The following SLC16A6 variants were observed in gnomAD, a reference collection of about 807,000 sequenced individuals.
SLC16A6 encodes monocarboxylate transporter 7.
A neutral mutation model predicts 33.8 loss-of-function variants in SLC16A6; 15 were observed. That is an observed-to-expected ratio of 0.44 (90% CI 0.30 to 0.68). The LOEUF (loss-of-function observed/expected upper bound fraction) is 0.68, where lower values mean the gene tolerates loss of function less well. Among genes scored for constraint, SLC16A6 ranks in the 30% least tolerant of loss-of-function variants. SLC16A6 has a pLI of 0.10. For synonymous variants in SLC16A6, 219 were observed against 248.4 expected, an observed-to-expected ratio of 0.88 and a Z score of 1.11; for missense variants, 451 against 661.5, an observed-to-expected ratio of 0.68 and a Z score of 3.49.
At chr17:68,277,247 T>G (rs1023447910) in intron 2 of SLC16A6, among the ~76,000 whole-genome samples, 13 of 151,962 alleles carry the variant, frequency 8.6e-5, no homozygotes, top group African/African-American at 3.1e-4. Context: ...TTCTCCTACC[T>G]CAGCCTCCTG....
At chr17:68,279,740 T>C (rs78416778) in intron 1 of SLC16A6, among the ~76,000 whole-genome samples, 2,470 of 152,296 alleles carry the variant, frequency 0.016, 68 homozygotes, top group African/African-American at 0.057. Context: ...CTCTAGCACA[T>C]GAATACTGTC....
intron 1 of SLC16A6, among the ~76,000 whole-genome samples, chr17:68,286,847 C>T (rs1212149073): frequency 6.6e-6 from 1 of 152,106 alleles, no homozygotes; most frequent in Non-Finnish European, 1.5e-5. Context: ...ATGGCTTAAG[C>T]GAAGCCTGGT....
intron 3 of SLC16A6, 72 bp from the exon 4 acceptor site, chr17:68,272,839 TC>T: frequency 6.3e-7 from 1 of 1,582,082 alleles, no homozygotes; most frequent in Non-Finnish European, 8.6e-7. Flanking sequence ...CATTAAAAGA[TC>T]TGGGATTTTT....
chr17:68,281,714 G>GT (rs2075701829), intron 1 of SLC16A6, among the ~76,000 whole-genome samples: 1 of 152,202 alleles, frequency 6.6e-6, no homozygotes, highest in South Asian at 2.1e-4. Flanking sequence ...CCACAGTGAG[G>GT]TATCATCTTA....
In SLC16A6 at chr17:68,268,870, G is replaced by A. The variant is rs560602278; in HGVS notation, c.*226C>T. 164 of 743,522 alleles carry A rather than the reference G, an allele frequency of 2.2e-4. No homozygotes were observed. The African/African-American group carries it at 2.5e-3, about 12-fold the overall frequency. 46.1% of individuals were successfully genotyped at this position (743,522 alleles called of 1,614,324 possible). On this transcript the variant is annotated 3_prime_UTR_variant, in exon 6 of 6. Transcript: ENST00000580666. The stretch of plus-strand genomic sequence containing the variant: ...CAGATTTATATATGGAAGAGTGCTT[G>A]GTTGTTTTTTGTTTTGGCTTTAAAA...
chr17:68,291,312 C>A (rs1555755839), upstream of SLC16A6: 1 of 144,816 alleles, frequency 6.9e-6, no homozygotes, highest in Non-Finnish European at 1.5e-5. Flanking sequence ...CCGCCCCCCA[C>A]CCCGGCCGCC....
chr17:68,274,827 C>T (rs1277445066), intron 2 of SLC16A6, among the ~76,000 whole-genome samples: 1 of 150,010 alleles, frequency 6.7e-6, no homozygotes, highest in East Asian at 2.0e-4. Flanking sequence ...GTTTTCTAGG[C>T]TGGAGTGCAG....
chr17:68,280,742 G>A (rs1378593583), intron 1 of SLC16A6, among the ~76,000 whole-genome samples: 1 of 152,148 alleles, frequency 6.6e-6, no homozygotes, highest in Non-Finnish European at 1.5e-5. Context: ...GATTTTTATG[G>A]ATAAGACTGG....
rs1555749304 is a variant in SLC16A6 at position 68,272,564 on chromosome 17, A to G, written c.505+75T>C. ...CTGAAAGTCATCCATACTGTTGGCA[A>G]AAGTTAGCGTAGCAAGAATACCTGA... is the stretch of plus-strand genomic sequence containing the variant. On this transcript the variant is annotated intron_variant, in intron 4 of 5. Coordinates refer to ENST00000580666, the MANE Select transcript of SLC16A6 (RefSeq NM_004694.5). The G allele has an allele frequency of 4.5e-6, 7 of 1,558,932 alleles. No homozygotes were observed. The African/African-American group carries it at 9.5e-5, about 21-fold the overall frequency.
Position 68,268,901 on chromosome 17 carries a change from C to CAA in SLC16A6, c.*193_*194dup, listed in dbSNP as rs879950263. 161 of 1,005,524 alleles carry CAA rather than the reference C, an allele frequency of 1.6e-4. No homozygotes were observed. Among genetic ancestry groups the CAA allele is most frequent in the Admixed American group, 1.4e-3 (40 of 27,968 alleles). The allele number at this position is 1,005,524 out of a possible 1,614,324, so 62.3% of individuals were successfully genotyped here. A position where few individuals can be genotyped will look rare whatever the true frequency, so the allele number is the denominator to read the frequency against. On this transcript the variant is annotated 3_prime_UTR_variant, in exon 6 of 6. Coordinates refer to ENST00000580666, the MANE Select transcript of SLC16A6 (RefSeq NM_004694.5). The stretch of plus-strand genomic sequence containing the variant: ...TTTTTGTTTTGGCTTTAAAAACAAG[C>CAA]AAAAAAAAAAAGCTTAAAACAAAAC...
intron 2 of SLC16A6, among the ~76,000 whole-genome samples, chr17:68,276,147 G>A (rs782568039): frequency 2.6e-5 from 4 of 151,392 alleles, no homozygotes; most frequent in Non-Finnish European, 4.4e-5. Flanking sequence ...AGGCTGGAGT[G>A]CAGTGGCACA....
chr17:68,274,146 C>T (rs910393506), intron 2 of SLC16A6, 76 bp from the exon 3 acceptor site: 36 of 1,465,372 alleles, frequency 2.5e-5, no homozygotes, highest in Admixed American at 1.3e-4. Flanking sequence ...CCTTCCTCCA[C>T]GTCTTGCACA....
In SLC16A6 at chr17:68,282,779, T is replaced by TAAAAAAAA. The variant is rs36155626; in HGVS notation, c.-7-4460_-7-4453dup. Among the ~76,000 whole-genome samples, 23 of 53,394 alleles carry TAAAAAAAA rather than the reference T, an allele frequency of 4.3e-4. 1 individual carries two copies. The highest frequency in any genetic ancestry group is 1.3e-3 in the African/African-American group (14 of 10,788). The allele number at this position is 53,394 out of a possible 152,430, so 35.0% of individuals were successfully genotyped here. A position where few individuals can be genotyped will look rare whatever the true frequency, so the allele number is the denominator to read the frequency against. ...CAACATAGTGAAACCCCATCTCTACTAAAAAAAAAAAAAAAAAAAAAGGCC... is the reference window on the plus strand; with the variant it reads ...CAACATAGTGAAACCCCATCTCTACTAAAAAAAAAAAAAAAAAAAAAAAAAAAAAGGCC... On this transcript the variant is annotated intron_variant, in intron 1 of 5. Transcript: ENST00000580666.
At chr17:68,272,929 G>A (rs1268277420) in intron 3 of SLC16A6, among the ~76,000 whole-genome samples, 162 bp from the exon 4 acceptor site, 7 of 151,876 alleles carry the variant, frequency 4.6e-5, no homozygotes, top group Non-Finnish European at 7.4e-5. Context: ...AGAAAAATGG[G>A]TTTCATTAAC....
rs2075428194 is a variant in SLC16A6, at chr17:68,274,006, T to C, written c.297A>G (p.Leu99=). The change falls in exon 3 of 6, where the codon CTA becomes CTG. Residue 99 remains leucine (L), a synonymous_variant. Coordinates refer to ENST00000580666, the MANE Select transcript of SLC16A6 (RefSeq NM_004694.5). ...GHRLVVMLGG[L]LVSTGMVAAS... The stretch of plus-strand genomic sequence containing the variant: ...CGGCCACCATCCCGGTGCTGACAAG[T>C]AGCCCCCCCAACATCACTACCAGAC... 1.2e-6 allele frequency: 2 copies of C among 1,614,128 alleles called. No individual in the cohort carries two copies. Among genetic ancestry groups the C allele is most frequent in the Non-Finnish European group, 1.7e-6 (2 of 1,180,026 alleles).
rs1568404085 is a variant in SLC16A6, at chr17:68,271,067, A to G, written c.1093T>C (p.Cys365Arg). The G allele has an allele frequency of 1.2e-6, 2 of 1,614,234 alleles. No individual in the cohort carries two copies. Among genetic ancestry groups the G allele is most frequent in the Non-Finnish European group, 1.7e-6 (2 of 1,180,036 alleles). ...AGAGACACAGTCAATAAGATGACGC[A>G]GATGAGCTCAATGTAAATCTTACGA... ...PIRKIYIELI[C>R]VILLTVSLFA... The change falls in exon 5 of 6, where the codon TGC becomes CGC. Residue 365 changes from cysteine (C) to arginine (R), a missense_variant. Coordinates refer to ENST00000580666, the MANE Select transcript of SLC16A6 (RefSeq NM_004694.5). This position sits in a 1 kb window ranked among gnomAD's most constrained non-coding sequence, Gnocchi z 5.3.
At chr17:68,274,124 T>C in intron 2 of SLC16A6, 54 bp from the exon 3 acceptor site, 1 of 1,584,302 alleles carries the variant, frequency 6.3e-7, no homozygotes, top group Non-Finnish European at 8.6e-7. Context: ...CAGGGTTAGC[T>C]GCCATAAGAC....
chr17:68,278,104 C>T lies in SLC16A6; in HGVS notation c.217G>A (p.Val73Ile), dbSNP rs1555751579. The T allele has an allele frequency of 1.9e-6, 3 of 1,613,324 alleles. No homozygotes were observed. Among genetic ancestry groups the T allele is most frequent in the Non-Finnish European group, 2.5e-6 (3 of 1,179,358 alleles). The change falls in exon 2 of 6, where the codon GTC (valine) becomes ATC (isoleucine). Residue 73 changes from valine to isoleucine, a missense_variant. By Grantham distance (29) the Val-to-Ile change is conservative. This residue lies in a region of SLC16A6 where 405 missense variants were observed against 510.7 expected (regional missense o/e 0.79). Coordinates refer to ENST00000580666, the MANE Select transcript of SLC16A6 (RefSeq NM_004694.5). ...ATGTACTAACCTGAAAATGTTAAGACAAACACACAGATTGAGATTATCCAT... is the reference window on the plus strand; with the variant it reads ...ATGTACTAACCTGAAAATGTTAAGATAAACACACAGATTGAGATTATCCAT... ...ISWIISICVF[V>I]LTFSAPLATV...
rs1336668786 is a variant in SLC16A6, at chr17:68,270,897, T to G, written c.1263A>C (p.Ala421=). ...DVVGIEKMSS[A]AGVYIFIQSI... ...TCTGAATGAAGATGTAGACCCCAGCTGCAGAAGACATCTTCTCAATGCCCA... is the reference window on the plus strand; with the variant it reads ...TCTGAATGAAGATGTAGACCCCAGCGGCAGAAGACATCTTCTCAATGCCCA... The change falls in exon 5 of 6, where the codon GCA becomes GCC. Residue 421 remains alanine, a synonymous_variant. Coordinates refer to ENST00000580666, the MANE Select transcript of SLC16A6 (RefSeq NM_004694.5). 1 of 1,614,104 alleles carries G rather than the reference T, an allele frequency of 6.2e-7. No individual in the cohort carries two copies. The highest frequency in any genetic ancestry group is 8.5e-7 in the Non-Finnish European group (1 of 1,180,046).
Sources: allele counts gnomAD v4.1 joint callset (sites outside exome capture counted in the v4.1 genomes callset), GRCh38; gene constraint gnomAD v4.1.1; regional missense constraint gnomAD v4.1.1; non-coding constraint Gnocchi (gnomAD v3.1); transcripts MANE v1.5; gene names NCBI Gene and HGNC (gene_info 2026-07-23, HGNC 2026-07-21).